SDK1: variants seen among roughly 807,000 people sequenced by gnomAD.
SDK1 encodes protein sidekick-1.
Under a neutral mutation model 245.5 loss-of-function variants are expected in SDK1, and 157 were observed. The observed-to-expected ratio is 0.64, with a 90% CI of 0.56 to 0.73. The LOEUF (loss-of-function observed/expected upper bound fraction) is 0.73, where lower values mean the gene tolerates loss of function less well. Among genes scored for constraint, SDK1 ranks in the 30% least tolerant of loss-of-function variants. The pLI, the probability that SDK1 is intolerant of heterozygous loss-of-function variation, is 0.00. For missense variants in SDK1, 3,583 were observed against 3,002.3 expected, an observed-to-expected ratio of 1.19 and a Z score of -4.52; for synonymous variants, 1,647 against 1,278.5, an observed-to-expected ratio of 1.29 and a Z score of -6.15.
chr7:4,097,846 A>G (rs979864673), intron 22 of SDK1, among the ~76,000 whole-genome samples: 1 of 152,142 alleles, frequency 6.6e-6, no homozygotes, highest in Non-Finnish European at 1.5e-5. Flanking sequence ...CAAGAGTGAC[A>G]TTATCTCTGA....
At position 3,301,547 on chromosome 7, in the gene SDK1, C is replaced by G. The variant is rs1328684596; in HGVS notation, c.-40C>G. 2.7e-6 allele frequency: 2 copies of G among 743,974 alleles called. No individual in the cohort carries two copies. The highest frequency in any genetic ancestry group is 3.3e-6 in the Non-Finnish European group (2 of 613,264). 46.1% of individuals were successfully genotyped at this position (743,974 alleles called of 1,614,324 possible). ...AGCCGTCCCGCCTGTCCTGCCCGCC[C>G]GTCCGTCCGGCGCGGCGCTCGGGGT... On this transcript the variant is annotated 5_prime_UTR_variant, in exon 1 of 45. Coordinates refer to ENST00000404826, the MANE Select transcript of SDK1 (RefSeq NM_152744.4).
At chr7:3,318,545 A>T (rs1379972320) in intron 1 of SDK1, among the ~76,000 whole-genome samples, 4 of 152,202 alleles carry the variant, frequency 2.6e-5, no homozygotes, top group Admixed American at 6.5e-5. Flanking sequence ...CTCCTTCTCA[A>T]CTGAAATACA....
chr7:3,338,870 A>AT (rs1780272796), intron 1 of SDK1, among the ~76,000 whole-genome samples: 1 of 152,208 alleles, frequency 6.6e-6, no homozygotes, highest in Non-Finnish European at 1.5e-5. Flanking sequence ...AGGTGGAATT[A>AT]TTAAAAAATT....
chr7:4,252,225 A>G (rs1787351231), intron 44 of SDK1, among the ~76,000 whole-genome samples: 2 of 132,354 alleles, frequency 1.5e-5, no homozygotes, highest in African/African-American at 5.9e-5. Context: ...ACCCCACAAC[A>G]GGCCCCAGTG....
At chr7:3,864,654 C>G (rs1780777734) in intron 5 of SDK1, among the ~76,000 whole-genome samples, 1 of 152,276 alleles carries the variant, frequency 6.6e-6, no homozygotes, top group African/African-American at 2.4e-5. Flanking sequence ...CAGTCTCAGA[C>G]AGCCCTGGGG....
intron 1 of SDK1, among the ~76,000 whole-genome samples, chr7:3,551,384 G>A (rs1431088205): frequency 1.3e-5 from 2 of 152,138 alleles, no homozygotes; most frequent in Non-Finnish European, 2.9e-5. Flanking sequence ...TCCTGGTAAA[G>A]TTTTCATATC....
At chr7:4,137,163 C>T (rs1385665147) in intron 28 of SDK1, among the ~76,000 whole-genome samples, 1 of 152,228 alleles carries the variant, frequency 6.6e-6, no homozygotes, top group Non-Finnish European at 1.5e-5. Flanking sequence ...GGCACGGTGG[C>T]ACACACCTGT....
intron 14 of SDK1, among the ~76,000 whole-genome samples, chr7:4,010,722 G>A (rs1454895828): frequency 6.6e-6 from 1 of 152,122 alleles, no homozygotes; most frequent in African/African-American, 2.4e-5. Context: ...TATGCAGGTT[G>A]CACAAAAAAA....
rs1251759667 is a variant in SDK1, at chr7:3,301,645, C to T, written c.59C>T (p.Pro20Leu). ...AGGGGGGAEPPERAGPGRPRG... is the reference protein window; with the variant it reads ...AGGGGGGAEPLERAGPGRPRG... ...GGCGGCGGCGGCGGCGCGGAGCCCC[C>T]TGAGCGCGCGGGCCCCGGGCGGCCG... The change falls in exon 1 of 45, where the codon CCT (proline) becomes CTT (leucine). Residue 20 changes from proline (P) to leucine (L), a missense_variant. Pro to Leu is a moderately conservative substitution (Grantham distance 98). Transcript: ENST00000404826. 12 of 977,266 alleles carry T rather than the reference C, an allele frequency of 1.2e-5. No homozygotes were observed. The highest frequency in any genetic ancestry group is 1.8e-5 in the African/African-American group (1 of 56,132). The allele number at this position is 977,266 out of a possible 1,614,324, so 60.5% of individuals were successfully genotyped here. A position where few individuals can be genotyped will look rare whatever the true frequency, so the allele number is the denominator to read the frequency against.
chr7:3,365,202 A>T (rs957128219), intron 1 of SDK1, among the ~76,000 whole-genome samples: 2 of 152,238 alleles, frequency 1.3e-5, no homozygotes, highest in East Asian at 3.8e-4. Flanking sequence ...TGCCTCATAC[A>T]GGAGTAGATT....
chr7:4,091,038 C>T (rs952488314), intron 22 of SDK1, among the ~76,000 whole-genome samples: 1 of 152,112 alleles, frequency 6.6e-6, no homozygotes, highest in African/African-American at 2.4e-5. Context: ...TGCTTGGATG[C>T]CTTCTTTGCC....
At chr7:3,710,612 A>C (rs1222642063) in intron 4 of SDK1, among the ~76,000 whole-genome samples, 1 of 152,234 alleles carries the variant, frequency 6.6e-6, no homozygotes, top group African/African-American at 2.4e-5. Context: ...AGAACGGTGA[A>C]ATCTAAGGCA....
intron 1 of SDK1, among the ~76,000 whole-genome samples, chr7:3,547,153 C>T (rs1316237543): frequency 1.3e-5 from 2 of 152,074 alleles, no homozygotes; most frequent in African/African-American, 4.8e-5. Context: ...TTTAAAATTA[C>T]AATTAATAGT....
At chr7:3,967,907 A>C (rs1782201306) in intron 10 of SDK1, among the ~76,000 whole-genome samples, 1 of 152,250 alleles carries the variant, frequency 6.6e-6, no homozygotes, top group South Asian at 2.1e-4. Context: ...TACCAGGTGC[A>C]AGATACCATG....
chr7:3,964,671 T>G (rs1781961293), intron 9 of SDK1, among the ~76,000 whole-genome samples: 1 of 152,214 alleles, frequency 6.6e-6, no homozygotes, highest in Non-Finnish European at 1.5e-5. Context: ...AAGTAGAATC[T>G]AGTGATTATG....
intron 1 of SDK1, among the ~76,000 whole-genome samples, chr7:3,600,619 A>G (rs900009151): frequency 7.4e-4 from 109 of 147,838 alleles, no homozygotes; most frequent in African/African-American, 2.6e-3. Flanking sequence ...CAGCGGCGCA[A>G]TCTTGGCTTA....
chr7:4,045,093 G>A (rs1052769367), intron 17 of SDK1, among the ~76,000 whole-genome samples: 11 of 152,234 alleles, frequency 7.2e-5, no homozygotes, highest in East Asian at 1.9e-4. Flanking sequence ...GCGTTCATGC[G>A]TATAAGTATT....
In SDK1 at chr7:3,922,275, A is replaced by G. The variant is rs186458854; in HGVS notation, c.848-28648A>G. ...CATGGATCTGGGGGCTGGGAGCAGG[A>G]TTCAGTCGGGATGTGCTGGAGCCCA... On this transcript the variant is annotated intron_variant, in intron 5 of 44. Coordinates refer to ENST00000404826, the MANE Select transcript of SDK1 (RefSeq NM_152744.4). Among the ~76,000 whole-genome samples, 466 of 152,248 alleles carry G rather than the reference A, an allele frequency of 3.1e-3. 2 individuals carry two copies. Among genetic ancestry groups the G allele is most frequent in the Non-Finnish European group, 5.1e-3 (345 of 68,000 alleles).
At chr7:3,885,691 G>T (rs373440648) in intron 5 of SDK1, among the ~76,000 whole-genome samples, 19 of 152,274 alleles carry the variant, frequency 1.2e-4, no homozygotes, top group African/African-American at 4.6e-4. Flanking sequence ...TAGGTTAGAT[G>T]TTGCTTAATT....
Sources: allele counts gnomAD v4.1 joint callset (sites outside exome capture counted in the v4.1 genomes callset), GRCh38; gene constraint gnomAD v4.1.1; transcripts MANE v1.5; gene names NCBI Gene and HGNC (gene_info 2026-07-23, HGNC 2026-07-21).